The following PDK4 variants were observed in gnomAD, a reference collection of about 807,000 sequenced individuals.
PDK4 encodes pyruvate dehydrogenase kinase 4.
In PDK4, 43 loss-of-function variants were observed where a neutral mutation model predicts 51.7. That is an observed-to-expected ratio of 0.83 (90% CI 0.65 to 1.07). The LOEUF (loss-of-function observed/expected upper bound fraction) is 1.07. Ranked by LOEUF, PDK4 falls within the 50% of genes least tolerant of loss-of-function variation. The pLI is 0.00. For missense variants in PDK4, 498 were observed against 503.5 expected (o/e 0.99, Z 0.10); for synonymous variants, 170 against 176.6 (o/e 0.96, Z 0.30).
At chr7:95,588,416 G>A (rs1328478862) in intron 7 of PDK4, among the ~76,000 whole-genome samples, 4 of 152,142 alleles carry the variant, frequency 2.6e-5, no homozygotes, top group Non-Finnish European at 5.9e-5. Flanking sequence ...AGTATCCTTT[G>A]TCCTTTAACA....
rs779518490 is a variant in PDK4 at position 95,585,606 on chromosome 7, A to G, written c.*35T>C. 16 of 1,574,292 alleles carry G rather than the reference A, an allele frequency of 1.0e-5. No individual in the cohort carries two copies. Among genetic ancestry groups the G allele is most frequent in the Non-Finnish European group, 5.2e-6 (6 of 1,152,100 alleles). On this transcript the variant is annotated 3_prime_UTR_variant, in exon 11 of 11. Transcript: ENST00000005178. ...CAGGAAGCAGCACTGGTGTAGACCC[A>G]CTTTGATCCCGTAAAGTGTCCTGAG...
chr7:95,588,344 G>A (rs546450946), intron 7 of PDK4, among the ~76,000 whole-genome samples: 1 of 152,290 alleles, frequency 6.6e-6, no homozygotes, highest in East Asian at 1.9e-4. Context: ...TTTTACCAAT[G>A]ATGGCAGAAT....
At chr7:95,587,628 T>C in intron 8 of PDK4, 99 bp downstream of exon 8, 1 of 1,130,754 alleles carries the variant, frequency 8.8e-7, no homozygotes, top group African/African-American at 1.5e-5. Context: ...ACCTGGCATA[T>C]ATGACTGTTA....
At chr7:95,595,193 G>C in intron 1 of PDK4, 29 bp from the exon 2 acceptor site, 1 of 1,530,772 alleles carries the variant, frequency 6.5e-7, no homozygotes, top group Non-Finnish European at 9.0e-7. Context: ...ATTTAGTTTT[G>C]AGAAAAAGTG....
In PDK4 at chr7:95,585,665, G is replaced by A. The variant is rs1228730833; in HGVS notation, c.1212C>T (p.Asn404=). The A allele has an allele frequency of 3.1e-6, 5 of 1,609,772 alleles. No homozygotes were observed. Among genetic ancestry groups the A allele is most frequent in the Admixed American group, 3.3e-5 (2 of 59,946 alleles). Residue 404 remains asparagine (N), a synonymous_variant, in exon 11 of 11, where the codon AAC becomes AAT. Coordinates refer to ENST00000005178, the MANE Select transcript of PDK4 (RefSeq NM_002612.4). ...TTCACATGGCCACTTCTTTTGCCAG[G>A]TTCTTTGGTTCCCTGCTTGGGATAC... The part of the protein sequence containing the change: ...DWCIPSREPK[N]LAKEVAM
chr7:95,593,463 T>A (rs1352713074), intron 3 of PDK4, among the ~76,000 whole-genome samples: 1 of 152,084 alleles, frequency 6.6e-6, no homozygotes, highest in East Asian at 1.9e-4. Context: ...ATAGTAAAAA[T>A]AGGTCTCCCT....
chr7:95,591,216 G>A (rs1791548422), intron 6 of PDK4, among the ~76,000 whole-genome samples: 1 of 152,184 alleles, frequency 6.6e-6, no homozygotes, highest in African/African-American at 2.4e-5. Flanking sequence ...GATTACAGGT[G>A]TATGCCACTG....
At position 95,596,506 on chromosome 7, in the gene PDK4, G is replaced by A. The variant is rs944706262; in HGVS notation, c.-213C>T. Reference sequence around the variant, plus strand: ...GGAGATGCAGTGGTTCGAGATTCAAGTTCAAGTCTTCCCACCAGCCGCCGC... The same window carrying A: ...GGAGATGCAGTGGTTCGAGATTCAAATTCAAGTCTTCCCACCAGCCGCCGC... On this transcript the variant is annotated 5_prime_UTR_variant, in exon 1 of 11. Transcript: ENST00000005178. 9 of 505,036 alleles carry A rather than the reference G, an allele frequency of 1.8e-5. No individual in the cohort carries two copies. The highest frequency in any genetic ancestry group is 1.0e-3 in the Middle Eastern group (2 of 1,994). The allele number at this position is 505,036 out of a possible 1,614,324, so 31.3% of individuals were successfully genotyped here. A position where few individuals can be genotyped will look rare whatever the true frequency, so the allele number is the denominator to read the frequency against.
intron 9 of PDK4, 132 bp from the exon 10 acceptor site, chr7:95,587,255 A>G (rs1026720061): frequency 1.4e-6 from 1 of 708,594 alleles, no homozygotes; most frequent in Non-Finnish European, 2.4e-6. Flanking sequence ...CCAATCAGAC[A>G]TCCCTTGTTT....
At chr7:95,596,088 C>A in intron 1 of PDK4, 76 bp downstream of exon 1, 2 of 1,452,272 alleles carry the variant, frequency 1.4e-6, no homozygotes, top group African/African-American at 1.5e-5. Context: ...GAGCCTAGCC[C>A]TCCCTCTACC....
chr7:95,591,874 C>T (rs1372368971), intron 6 of PDK4, 114 bp downstream of exon 6: 2 of 610,236 alleles, frequency 3.3e-6, no homozygotes, highest in Admixed American at 7.0e-5. Context: ...TGTGTACAAA[C>T]TTTAGGCAAG....
chr7:95,587,597 G>T, intron 8 of PDK4, 69 bp from the exon 9 acceptor site: 2 of 1,237,158 alleles, frequency 1.6e-6, no homozygotes, highest in Non-Finnish European at 2.4e-6. Flanking sequence ...AATAAAAATG[G>T]CTTTCCTTCA....
intron 5 of PDK4, 40 bp downstream of exon 5, chr7:95,592,471 T>C: frequency 9.1e-7 from 1 of 1,097,638 alleles, no homozygotes; most frequent in Non-Finnish European, 1.4e-6. Context: ...TCATATATTG[T>C]ACATTTTCAA....
chr7:95,595,011 T>C lies in PDK4; in HGVS notation c.272+12A>G. 1 of 1,599,586 alleles carries C rather than the reference T, an allele frequency of 6.3e-7. No homozygotes were observed. The highest frequency in any genetic ancestry group is 8.5e-7 in the Non-Finnish European group (1 of 1,169,926). On this transcript the variant is annotated intron_variant, in intron 2 of 10. Coordinates refer to ENST00000005178, the MANE Select transcript of PDK4 (RefSeq NM_002612.4). Reference sequence around the variant, plus strand: ...TTCAAAACTAGAGACTTCAATATGGTTCACCACTTACCAGCTTTTAACCAA... The same window carrying C: ...TTCAAAACTAGAGACTTCAATATGGCTCACCACTTACCAGCTTTTAACCAA...
At chr7:95,590,009 C>G (rs1396195354) in intron 6 of PDK4, among the ~76,000 whole-genome samples, 3 of 152,096 alleles carry the variant, frequency 2.0e-5, no homozygotes, top group Non-Finnish European at 4.4e-5. Context: ...CTCAAGCGAT[C>G]CTCCAGCCTT....
In PDK4 at chr7:95,584,958, CATA is replaced by C. The variant is rs1317451953; in HGVS notation, c.*680_*682del. ...TGTGTAAAGTGAACAAGAAAAGCAG[CATA>C]ATAAAGGAGCTGTGTTTTTATCAGA... On this transcript the variant is annotated 3_prime_UTR_variant, in exon 11 of 11. Coordinates refer to ENST00000005178, the MANE Select transcript of PDK4 (RefSeq NM_002612.4). The C allele has an allele frequency of 6.6e-6, 1 of 152,596 alleles. No individual in the cohort carries two copies. The highest frequency in any genetic ancestry group is 1.5e-5 in the Non-Finnish European group (1 of 68,036). 9.5% of individuals were successfully genotyped at this position (152,596 alleles called of 1,614,324 possible).
chr7:95,588,365 G>C (rs1791512839), intron 7 of PDK4, among the ~76,000 whole-genome samples: 1 of 152,188 alleles, frequency 6.6e-6, no homozygotes, highest in Non-Finnish European at 1.5e-5. Flanking sequence ...AACTCTATGA[G>C]TTGTATCATT....
intron 5 of PDK4, 54 bp from the exon 6 acceptor site, chr7:95,592,119 T>G: frequency 1.0e-6 from 1 of 962,012 alleles, no homozygotes; most frequent in African/African-American, 1.7e-5. Context: ...CCAAGTACAG[T>G]TCTCAAATAA....
At chr7:95,595,215 T>C in intron 1 of PDK4, 51 bp from the exon 2 acceptor site, 1 of 1,216,082 alleles carries the variant, frequency 8.2e-7, no homozygotes, top group South Asian at 1.3e-5. Context: ...GTCTAAATGA[T>C]ATATCTAAAT....
Sources: gnomAD v4.1 joint callset for allele counts (sites outside exome capture counted in the v4.1 genomes callset) on GRCh38, gnomAD v4.1.1 for gene constraint, MANE v1.5 for transcripts, NCBI Gene and HGNC (gene_info 2026-07-23, HGNC 2026-07-21) for gene names.